HSDL1: variants seen among roughly 807,000 people sequenced by gnomAD.
HSDL1 encodes inactive hydroxysteroid dehydrogenase-like protein 1.
HSDL1 carries 29 observed loss-of-function variants against 31.5 expected under a neutral mutation model. The ratio of observed to expected loss-of-function variants is 0.92; its 90% CI spans 0.69 to 1.26. The LOEUF (loss-of-function observed/expected upper bound fraction) is 1.26, where lower values mean the gene tolerates loss of function less well. Among genes scored for constraint, HSDL1 ranks in the 50% most tolerant of loss-of-function variants. HSDL1 has a pLI of 0.00. For synonymous variants in HSDL1, 222 were observed against 155.2 expected, an observed-to-expected ratio of 1.43 and a Z score of -3.20; for missense variants, 503 against 416.6, an observed-to-expected ratio of 1.21 and a Z score of -1.81.
chr16:84,129,476 A>G, intron 5 of HSDL1, 72 bp downstream of exon 5: 1 of 1,075,700 alleles, frequency 9.3e-7, no homozygotes, highest in Non-Finnish European at 1.4e-6. Context: ...GGCTTTAATC[A>G]GATTTCTCTG....
chr16:84,137,816 A>C (rs1024515761), intron 1 of HSDL1, among the ~76,000 whole-genome samples: 1 of 152,270 alleles, frequency 6.6e-6, no homozygotes. Flanking sequence ...GAAACTTTCA[A>C]AGGAATTTAT....
At position 84,129,615 on chromosome 16, in the gene HSDL1, G is replaced by C; in HGVS notation, c.827C>G (p.Ala276Gly). Residue 276 changes from alanine to glycine, a missense_variant, in exon 5 of 6, where the codon GCA becomes GGA. Ala to Gly is a moderately conservative substitution (Grantham distance 60). Coordinates refer to ENST00000219439, the MANE Select transcript of HSDL1 (RefSeq NM_031463.5). ...SWLVPSPKVY[A>G]HHAVSTLGIS... ...CCCAAGAGTAGAAACAGCATGATGT[G>C]CATAGACTTTTGGCGAAGGCACCAA... 1 of 1,614,202 alleles carries C rather than the reference G, an allele frequency of 6.2e-7. No individual in the cohort carries two copies. Among genetic ancestry groups the C allele is most frequent in the Non-Finnish European group, 8.5e-7 (1 of 1,180,042 alleles).
At position 84,131,331 on chromosome 16, in the gene HSDL1, C is replaced by G; in HGVS notation, c.-6-4G>C. On this transcript the variant is annotated splice_polypyrimidine_tract_variant and splice_region_variant and intron_variant, in intron 2 of 5. Coordinates refer to ENST00000219439, the MANE Select transcript of HSDL1 (RefSeq NM_031463.5). ...TGTCAACAGCAGCCATGGCAACCTGCAGGGAGAGGGAAAGAGAGAGAGCCT... is the reference window on the plus strand; with the variant it reads ...TGTCAACAGCAGCCATGGCAACCTGGAGGGAGAGGGAAAGAGAGAGAGCCT... 1.3e-6 allele frequency: 2 copies of G among 1,597,516 alleles called. No homozygotes were observed. The highest frequency in any genetic ancestry group is 1.7e-6 in the Non-Finnish European group (2 of 1,165,346).
At chr16:84,127,470 C>A (rs1179328445) in intron 5 of HSDL1, among the ~76,000 whole-genome samples, 16 of 151,948 alleles carry the variant, frequency 1.1e-4, no homozygotes, top group Non-Finnish European at 1.5e-5. Flanking sequence ...CCAGCCTCAG[C>A]CTCCCAAACT....
chr16:84,144,767 G>GGGGT (rs1176004079), intron 1 of HSDL1, among the ~76,000 whole-genome samples: 10 of 151,342 alleles, frequency 6.6e-5, no homozygotes, highest in Admixed American at 1.3e-4. Flanking sequence ...AGAGAGAACA[G>GGGGT]GGGTGCAGCG....
intron 5 of HSDL1, chr16:84,125,342 C>G (rs2086595680): frequency 6.6e-6 from 1 of 150,706 alleles, no homozygotes; most frequent in African/African-American, 2.5e-5. Flanking sequence ...CAAATACCTA[C>G]CAATCACAAA....
chr16:84,125,559 T>G (rs1025163299), intron 5 of HSDL1, among the ~76,000 whole-genome samples: 1 of 151,406 alleles, frequency 6.6e-6, no homozygotes, highest in Non-Finnish European at 1.5e-5. Context: ...CACCAATCAA[T>G]CACAACAAAT....
Position 84,129,717 on chromosome 16 carries a change from A to T in HSDL1, c.725T>A (p.Phe242Tyr). Residue 242 changes from phenylalanine to tyrosine, a missense_variant, in exon 5 of 6, where the codon TTT becomes TAT. Coordinates refer to ENST00000219439, the MANE Select transcript of HSDL1 (RefSeq NM_031463.5). ...LQYEYASKGI[F>Y]VQSLIPFYVA... ...ATAGAAAGGGATTAGACTCTGTACA[A>T]AGATTCCTTTAGAGGCATATTCATA... The T allele has an allele frequency of 6.2e-7, 1 of 1,614,220 alleles. No individual in the cohort carries two copies. Among genetic ancestry groups the T allele is most frequent in the Non-Finnish European group, 8.5e-7 (1 of 1,180,034 alleles).
At chr16:84,130,984 A>G (rs953046819) in intron 3 of HSDL1, 118 bp downstream of exon 3, 12 of 815,518 alleles carry the variant, frequency 1.5e-5, no homozygotes, top group African/African-American at 3.4e-5. Flanking sequence ...GGCAGGAGCC[A>G]TAAGTTTTAT....
chr16:84,137,995 T>G (rs1354061128), intron 1 of HSDL1, among the ~76,000 whole-genome samples: 1 of 152,244 alleles, frequency 6.6e-6, no homozygotes, highest in Non-Finnish European at 1.5e-5. Context: ...GTCTTGAATC[T>G]TAACCCCCCA....
intron 1 of HSDL1, among the ~76,000 whole-genome samples, chr16:84,141,028 T>C (rs1322252091): frequency 6.7e-6 from 1 of 150,208 alleles, no homozygotes; most frequent in African/African-American, 2.5e-5. Context: ...AAGGCGGAGC[T>C]TGCAGTGAGC....
chr16:84,136,605 G>C (rs2086714761), intron 1 of HSDL1, among the ~76,000 whole-genome samples: 2 of 152,216 alleles, frequency 1.3e-5, no homozygotes, highest in Non-Finnish European at 2.9e-5. Flanking sequence ...CTCCCACTCA[G>C]GCCAGCAGAG....
Position 84,130,338 on chromosome 16 carries a change from T to C in HSDL1, c.314A>G (p.Gln105Arg). Reference protein sequence around the residue: ...ILISRNEEKLQVVAKDIADTY... With the variant: ...ILISRNEEKLRVVAKDIADTY... ...GTCGGCTATGTCTTTAGCAACAACCTGCAACTTCTCCTCGTTCCGACTAAT... is the reference window on the plus strand; with the variant it reads ...GTCGGCTATGTCTTTAGCAACAACCCGCAACTTCTCCTCGTTCCGACTAAT... Residue 105 changes from glutamine (Q) to arginine (R), a missense_variant, in exon 4 of 6, where the codon CAG becomes CGG. Gln to Arg is a conservative substitution (Grantham distance 43). Transcript: ENST00000219439. 6.2e-7 allele frequency: 1 copy of C among 1,614,236 alleles called. No homozygotes were observed. Among genetic ancestry groups the C allele is most frequent in the South Asian group, 1.1e-5 (1 of 91,088 alleles).
At chr16:84,127,797 C>T (rs1178078383) in intron 5 of HSDL1, among the ~76,000 whole-genome samples, 1 of 148,510 alleles carries the variant, frequency 6.7e-6, no homozygotes, top group Non-Finnish European at 1.5e-5. Context: ...CGGCTCACTG[C>T]AAGCTCTGCC....
chr16:84,131,729 A>G (rs2086669842), intron 2 of HSDL1, among the ~76,000 whole-genome samples: 2 of 140,908 alleles, frequency 1.4e-5, no homozygotes, highest in South Asian at 4.4e-4. Context: ...CCCAGGCTGG[A>G]GTGCAGTGGC....
At chr16:84,140,082 C>T (rs2086751268) in intron 1 of HSDL1, among the ~76,000 whole-genome samples, 1 of 152,062 alleles carries the variant, frequency 6.6e-6, no homozygotes, top group South Asian at 2.1e-4. Context: ...CTTCCCAGGC[C>T]GTGGCACTGC....
rs1169528766 is a variant in HSDL1 at position 84,129,711 on chromosome 16, T to C, written c.731A>G (p.Gln244Arg). 2 of 1,614,110 alleles carry C rather than the reference T, an allele frequency of 1.2e-6. No homozygotes were observed. Among genetic ancestry groups the C allele is most frequent in the Non-Finnish European group, 1.7e-6 (2 of 1,180,034 alleles). Residue 244 changes from glutamine (Q) to arginine (R), a missense_variant, in exon 5 of 6, where the codon CAG becomes CGG. Transcript: ENST00000219439. Reference protein sequence around the residue: ...YEYASKGIFVQSLIPFYVATS... With the variant: ...YEYASKGIFVRSLIPFYVATS... ...GGCTACATAGAAAGGGATTAGACTC[T>C]GTACAAAGATTCCTTTAGAGGCATA...
intron 2 of HSDL1, among the ~76,000 whole-genome samples, chr16:84,133,805 C>T (rs555663040): frequency 6.6e-6 from 1 of 152,284 alleles, no homozygotes; most frequent in Admixed American, 6.5e-5. Flanking sequence ...ATGCTGTCCA[C>T]TGGGGCTCTG....
chr16:84,142,618 C>A (rs1380966010), intron 1 of HSDL1, among the ~76,000 whole-genome samples: 2 of 151,184 alleles, frequency 1.3e-5, no homozygotes, highest in Admixed American at 6.6e-5. Context: ...GTATTTTTTT[C>A]TTTTTTAGTA....
Sources: allele counts gnomAD v4.1 joint callset (sites outside exome capture counted in the v4.1 genomes callset), GRCh38; gene constraint gnomAD v4.1.1; transcripts MANE v1.5; gene names NCBI Gene and HGNC (gene_info 2026-07-23, HGNC 2026-07-21).